Variants in PPARGC1B observed in about 807,000 individuals in gnomAD.
PPARGC1B encodes peroxisome proliferator-activated receptor gamma coactivator 1-beta.
A neutral mutation model predicts 101.6 loss-of-function variants in PPARGC1B; 34 were observed. That is an observed-to-expected ratio of 0.33 (90% CI 0.25 to 0.45). The LOEUF is 0.45. Ranked by LOEUF, PPARGC1B falls within the 20% of genes least tolerant of loss-of-function variation. The pLI is 1.00. For missense variants in PPARGC1B, 1,234 were observed against 1,317.6 expected (o/e 0.94, Z 0.98); for synonymous variants, 548 against 539.3 (o/e 1.02, Z -0.22).
intron 10 of PPARGC1B, among the ~76,000 whole-genome samples, chr5:149,842,960 G>T (rs909970785): frequency 1.3e-5 from 2 of 152,206 alleles, no homozygotes; most frequent in African/African-American, 4.8e-5. Context: ...TTGAGGTCAA[G>T]AGTTCAAGAC....
At chr5:149,828,950 C>T (rs1758636067) in intron 3 of PPARGC1B, among the ~76,000 whole-genome samples, 1 of 151,622 alleles carries the variant, frequency 6.6e-6, no homozygotes, top group African/African-American at 2.4e-5. Context: ...ACTCTGGAGG[C>T]TGGGGTAGGA....
intron 1 of PPARGC1B, among the ~76,000 whole-genome samples, chr5:149,792,768 T>G (rs79583823): frequency 0.016 from 2,476 of 151,078 alleles, 30 homozygotes; most frequent in South Asian, 0.033. Flanking sequence ...CATTCATTCA[T>G]TCAGTCAGTC....
Position 149,842,262 on chromosome 5 carries a change from G to A in PPARGC1B, c.2701G>A (p.Gly901Ser). 6.2e-7 allele frequency: 1 copy of A among 1,613,324 alleles called. No homozygotes were observed. The highest frequency in any genetic ancestry group is 1.1e-5 in the South Asian group (1 of 91,030). ...RKRREKAIGEGRVVYIQNLSS... is the reference protein window; with the variant it reads ...RKRREKAIGESRVVYIQNLSS... ...TGTCCTCCTTCTTGGGCAGGGGGAA[G>A]GCCGCGTGGTGTACATTCAAAATCT... The change falls in exon 10 of 12, where the codon GGC (glycine) becomes AGC (serine). Residue 901 changes from glycine (G) to serine (S), a missense_variant. Gly to Ser is a moderately conservative substitution (Grantham distance 56, BLOSUM62 0). This residue lies in a region of PPARGC1B where 497 missense variants were observed against 529.5 expected (regional missense o/e 0.94). Coordinates refer to ENST00000309241, the MANE Select transcript of PPARGC1B (RefSeq NM_133263.4).
At chr5:149,783,690 G>A (rs1260221125) in intron 1 of PPARGC1B, among the ~76,000 whole-genome samples, 2 of 152,146 alleles carry the variant, frequency 1.3e-5, no homozygotes, top group Non-Finnish European at 2.9e-5. Context: ...CTCCCTCTCC[G>A]GGTTTCAAAT....
chr5:149,807,897 C>T (rs1240516565), intron 1 of PPARGC1B, among the ~76,000 whole-genome samples: 1 of 152,050 alleles, frequency 6.6e-6, no homozygotes, highest in Non-Finnish European at 1.5e-5. Flanking sequence ...CTAATCCCGC[C>T]CAGGTGAGGG....
At chr5:149,752,423 G>A (rs993373526) in intron 1 of PPARGC1B, among the ~76,000 whole-genome samples, 5 of 152,198 alleles carry the variant, frequency 3.3e-5, no homozygotes, top group African/African-American at 1.2e-4. Context: ...CCAGCTGCCT[G>A]GCAAGCTCAT....
chr5:149,816,756 T>C (rs536639841), intron 1 of PPARGC1B, among the ~76,000 whole-genome samples: 2 of 152,324 alleles, frequency 1.3e-5, no homozygotes, highest in East Asian at 3.9e-4. Flanking sequence ...CTGGGGGCTT[T>C]GCTGGCCTCG....
intron 1 of PPARGC1B, among the ~76,000 whole-genome samples, chr5:149,815,195 A>G (rs1391179364): frequency 3.9e-5 from 6 of 152,176 alleles, no homozygotes; most frequent in Non-Finnish European, 8.8e-5. Context: ...CCTCTCAAAA[A>G]AGGTGTGCTG....
chr5:149,755,297 G>A (rs1163341625), intron 1 of PPARGC1B, among the ~76,000 whole-genome samples: 2 of 151,524 alleles, frequency 1.3e-5, no homozygotes, highest in African/African-American at 4.8e-5. Flanking sequence ...GGTGCAAACA[G>A]CTCACTGCAG....
Position 149,830,851 on chromosome 5 carries a change from C to T in PPARGC1B, c.550C>T (p.Leu184Phe). Reference sequence around the variant, plus strand: ...AGGGACCGCCTGGCGCCAGGCAGGCCTCAGATCTAAAAGTCAACGGCCTTG... The same window carrying T: ...AGGGACCGCCTGGCGCCAGGCAGGCTTCAGATCTAAAAGTCAACGGCCTTG... Reference protein sequence around the residue: ...KEGTAWRQAGLRSKSQRPCVK... With the variant: ...KEGTAWRQAGFRSKSQRPCVK... Residue 184 changes from leucine to phenylalanine, a missense_variant, in exon 4 of 12, where the codon CTC becomes TTC. By Grantham distance (22) the Leu-to-Phe change is conservative. Transcript: ENST00000309241. 6.2e-7 allele frequency: 1 copy of T among 1,613,994 alleles called. No homozygotes were observed. Among genetic ancestry groups the T allele is most frequent in the Non-Finnish European group, 8.5e-7 (1 of 1,179,822 alleles).
At chr5:149,840,491 A>T (rs752533576) in intron 9 of PPARGC1B, among the ~76,000 whole-genome samples, 2 of 151,986 alleles carry the variant, frequency 1.3e-5, no homozygotes, top group Non-Finnish European at 2.9e-5. Context: ...CTTCTATGTG[A>T]CCGTGGGCAG....
chr5:149,784,729 G>A (rs1033752047), intron 1 of PPARGC1B, among the ~76,000 whole-genome samples: 3 of 151,834 alleles, frequency 2.0e-5, no homozygotes, highest in Non-Finnish European at 2.9e-5. Flanking sequence ...CACCACGCCC[G>A]GCTAATTTTT....
At chr5:149,838,414 G>T (rs191580222) in intron 8 of PPARGC1B, among the ~76,000 whole-genome samples, 2,007 of 151,470 alleles carry the variant, frequency 0.013, 46 homozygotes, top group African/African-American at 0.044. Context: ...TGCCGACTTC[G>T]CTGAGCCTCT....
At position 149,837,013 on chromosome 5, in the gene PPARGC1B, G is replaced by A. The variant is rs201238869; in HGVS notation, c.2558G>A (p.Arg853His). ...AACCGGCAGCTCTGTTCCCGCAGCC[G>A]CTCAAGCTCTGGCTCTTCACCCTGC... ...KANRQLCSRS[R>H]SSSGSSPCHS... The change falls in exon 8 of 12, where the codon CGC (arginine) becomes CAC (histidine). Residue 853 changes from arginine to histidine, a missense_variant. By Grantham distance (29) the Arg-to-His change is conservative. Transcript: ENST00000309241. The surrounding 1 kb of genome is among the most constrained non-coding windows in gnomAD (Gnocchi z 4.2). 1.2e-4 allele frequency: 200 copies of A among 1,613,856 alleles called. 1 individual carries two copies. Among genetic ancestry groups the A allele is most frequent in the South Asian group, 2.2e-5 (2 of 91,074 alleles).
chr5:149,805,755 C>T (rs1190019970), intron 1 of PPARGC1B, among the ~76,000 whole-genome samples: 4 of 152,192 alleles, frequency 2.6e-5, no homozygotes, highest in Non-Finnish European at 5.9e-5. Flanking sequence ...TTTTGCCAAT[C>T]ACATAATGTT....
At chr5:149,758,122 G>A (rs1755601799) in intron 1 of PPARGC1B, among the ~76,000 whole-genome samples, 1 of 152,234 alleles carries the variant, frequency 6.6e-6, no homozygotes, top group South Asian at 2.1e-4. Flanking sequence ...CTGGGGATGG[G>A]TCTGACCATG....
chr5:149,787,531 G>C (rs1309039494), intron 1 of PPARGC1B, among the ~76,000 whole-genome samples: 1 of 152,222 alleles, frequency 6.6e-6, no homozygotes, highest in Admixed American at 6.5e-5. Context: ...TCACACAGAG[G>C]TGACCTGCTG....
chr5:149,826,988 T>C, intron 3 of PPARGC1B, 103 bp downstream of exon 3: 1 of 889,718 alleles, frequency 1.1e-6, no homozygotes. Flanking sequence ...CGCAGGGGAC[T>C]CCGTGCATCA....
At chr5:149,745,078 T>C (rs1473526717) in intron 1 of PPARGC1B, among the ~76,000 whole-genome samples, 1 of 152,118 alleles carries the variant, frequency 6.6e-6, no homozygotes, top group African/African-American at 2.4e-5. Flanking sequence ...ATTTTTTACT[T>C]TTTTTAGAGA....
Sources: allele counts gnomAD v4.1 joint callset (sites outside exome capture counted in the v4.1 genomes callset), GRCh38; gene constraint gnomAD v4.1.1; regional missense constraint gnomAD v4.1.1; non-coding constraint Gnocchi (gnomAD v3.1); transcripts MANE v1.5; gene names NCBI Gene and HGNC (gene_info 2026-07-23, HGNC 2026-07-21).